The following HAUS7 variants were observed in gnomAD, a reference collection of about 807,000 sequenced individuals.
HAUS7 encodes HAUS augmin like complex subunit 7.
In HAUS7, 3 loss-of-function variants were observed where a neutral mutation model predicts 28.4. That is an observed-to-expected ratio of 0.11 (90% CI 0.05 to 0.27). The LOEUF is 0.27. HAUS7 is among the 10% of genes least tolerant of loss of function. The pLI, the probability that HAUS7 is intolerant of heterozygous loss-of-function variation, is 1.00. For synonymous variants in HAUS7, 165 were observed against 132.1 expected (o/e 1.25, Z -1.71); for missense variants, 284 against 297.3 (o/e 0.96, Z 0.33).
At chrX:153,493,099 C>T (rs978980184) in intron 1 of HAUS7, among the ~76,000 whole-genome samples, 2 of 112,433 alleles carry the variant, frequency 1.8e-5, no homozygotes, top group East Asian at 5.6e-4. Flanking sequence ...ATGGTCTATT[C>T]ACAGAACTGT....
chrX:153,478,370 C>G (rs782313833), intron 1 of HAUS7, among the ~76,000 whole-genome samples: 20 of 112,389 alleles, frequency 1.8e-4, no homozygotes, highest in Middle Eastern at 4.6e-3. Context: ...CCCCTCTGGC[C>G]CCACCCAGCA....
At chrX:153,460,640 C>T (rs1556983181) in intron 4 of HAUS7, among the ~76,000 whole-genome samples, 1 of 111,136 alleles carries the variant, frequency 9.0e-6, no homozygotes, top group Admixed American at 9.5e-5. Context: ...GCAGATTTTA[C>T]GTAAAGTGCA....
At chrX:153,473,888 C>A (rs2089545355), upstream of HAUS7, among the ~76,000 whole-genome samples, 1 of 111,919 alleles carries the variant, frequency 8.9e-6, no homozygotes, top group South Asian at 3.7e-4. Context: ...CTGTTGGTCA[C>A]CCATCCACCC....
chrX:153,467,036 G>T (rs782491603), intron 2 of HAUS7, among the ~76,000 whole-genome samples: 18 of 111,618 alleles, frequency 1.6e-4, no homozygotes, highest in Non-Finnish European at 3.2e-4. Context: ...TCCCTCTCTG[G>T]CCAGATGACC....
chrX:153,456,745 G>A (rs2089317837), intron 5 of HAUS7, 94 bp from the exon 6 acceptor site: 1 of 695,762 alleles, frequency 1.4e-6, no homozygotes, highest in Non-Finnish European at 2.1e-6. Context: ...GAAGCACATC[G>A]GGGCCAGGCA....
At chrX:153,456,238 C>A in intron 7 of HAUS7, 27 bp downstream of exon 7, 3 of 1,135,557 alleles carry the variant, frequency 2.6e-6, no homozygotes, top group Non-Finnish European at 3.6e-6. Context: ...CTCCAAGCAA[C>A]CCCCTCCCAG....
intron 1 of HAUS7, chrX:153,495,296 C>T (rs1330490757): frequency 1.8e-5 from 2 of 112,067 alleles, no homozygotes; most frequent in African/African-American, 6.5e-5. Context: ...CCCCCTTGGT[C>T]CCTGTCAGGC....
intron 7 of HAUS7, among the ~76,000 whole-genome samples, 180 bp from the exon 8 acceptor site, chrX:153,455,946 C>T (rs782398734): frequency 1.8e-5 from 2 of 112,140 alleles, no homozygotes; most frequent in African/African-American, 3.2e-5. Context: ...CCAGCCTCAG[C>T]CCCCTCACTC....
intron 9 of HAUS7, among the ~76,000 whole-genome samples, chrX:153,448,382 T>C (rs7062167): frequency 0.1 from 6,345 of 61,962 alleles, 809 homozygotes; most frequent in African/African-American, 0.35. Context: ...CATCACACAC[T>C]GGGGCCTGTT....
chrX:153,488,287 C>G lies in HAUS7; in HGVS notation c.-589+7087G>C, dbSNP rs369447797. ...ATTCCCCGGCCTTTCTCTACCCTGG[C>G]GGGGCCGCCCCTCTCCTTCCCCTCT... On this transcript the variant is annotated intron_variant, in intron 1 of 5. Transcript: ENST00000370210. Among the ~76,000 whole-genome samples the G allele has an allele frequency of 6.2e-5, 7 of 113,324 alleles. No individual in the cohort carries two copies. The South Asian group carries it at 2.2e-3, about 35-fold the overall frequency.
At position 153,456,176 on chromosome X, in the gene HAUS7, C is replaced by T. The variant is rs186020907; in HGVS notation, c.705+89G>A. ...GAACATGTCAGGCCCGGTGCACAGG[C>T]AACCTCGCCTAAGCCTCACGTGCTG... On this transcript the variant is annotated intron_variant, in intron 7 of 9. Coordinates refer to ENST00000370211, the MANE Select transcript of HAUS7 (RefSeq NM_001385482.1). 24 of 703,372 alleles carry T rather than the reference C, an allele frequency of 3.4e-5. 1 individual carries two copies. The African/African-American group carries it at 4.4e-4, about 13-fold the overall frequency. 58.0% of individuals were successfully genotyped at this position (703,372 alleles called of 1,213,427 possible). A position where few individuals can be genotyped will look rare whatever the true frequency, so the allele number is the denominator to read the frequency against.
chrX:153,481,725 C>G, intron 1 of HAUS7: 1 of 737,431 alleles, frequency 1.4e-6, no homozygotes, highest in Non-Finnish European at 1.6e-6. Context: ...CACCCTGGCT[C>G]CCCTGAGCAG....
At position 153,485,870 on chromosome X, in the gene HAUS7, G is replaced by C. The variant is rs782154221; in HGVS notation, c.-589+9504C>G. 10 of 914,899 alleles carry C rather than the reference G, an allele frequency of 1.1e-5. No individual in the cohort carries two copies. The Admixed American group carries it at 2.9e-4, about 26-fold the overall frequency. 75.4% of individuals were successfully genotyped at this position (914,899 alleles called of 1,213,427 possible). A position where few individuals can be genotyped will look rare whatever the true frequency, so the allele number is the denominator to read the frequency against. Reference sequence around the variant, plus strand: ...CCTGACGCTGCACCACGACCACATCGAGCGCATCCCTGGCTACGCGTTCGC... The same window carrying C: ...CCTGACGCTGCACCACGACCACATCCAGCGCATCCCTGGCTACGCGTTCGC... On this transcript the variant is annotated intron_variant, in intron 1 of 5. Transcript: ENST00000370210.
chrX:153,473,852 C>T (rs1302422257), upstream of HAUS7, among the ~76,000 whole-genome samples: 1 of 111,328 alleles, frequency 9.0e-6, no homozygotes, highest in African/African-American at 3.3e-5. Flanking sequence ...CCTGGGACCT[C>T]TCTGCTGCTA....
intron 1 of HAUS7, chrX:153,483,568 C>G (rs2089615357): frequency 1.7e-6 from 1 of 573,915 alleles, no homozygotes; most frequent in Non-Finnish European, 2.1e-6. Flanking sequence ...CACGGAGCCC[C>G]AGAGAGGGCC....
rs1238739747 is a variant in HAUS7 at position 153,486,850 on chromosome X, C to T, written c.-589+8524G>A. 34 of 963,728 alleles carry T rather than the reference C, an allele frequency of 3.5e-5. No homozygotes were observed. In the Admixed American group the frequency reaches 7.3e-4, roughly 21 times the overall value. 79.4% of individuals were successfully genotyped at this position (963,728 alleles called of 1,213,427 possible). A position where few individuals can be genotyped will look rare whatever the true frequency, so the allele number is the denominator to read the frequency against. ...TTCCTCCAGCACACACTCTGCTTCT[C>T]GAGGGGGTGGAGGGGCAGGCTGAGG... On this transcript the variant is annotated intron_variant, in intron 1 of 5. Transcript: ENST00000370210.
In HAUS7 at chrX:153,447,705, G is replaced by A. The variant is rs782344061; in HGVS notation, c.*173C>T. 31 of 568,556 alleles carry A rather than the reference G, an allele frequency of 5.5e-5. 1 individual carries two copies. The East Asian group carries it at 6.8e-4, about 13-fold the overall frequency. 46.9% of individuals were successfully genotyped at this position (568,556 alleles called of 1,213,427 possible). The stretch of plus-strand genomic sequence containing the variant: ...GCTTTCTTTGTGTCCAAGTCAAACC[G>A]CCCGTCTGTCTCTCCCTCCCCAAAG... On this transcript the variant is annotated 3_prime_UTR_variant, in exon 10 of 10. Coordinates refer to ENST00000370211, the MANE Select transcript of HAUS7 (RefSeq NM_001385482.1).
chrX:153,467,381 G>A lies in HAUS7; in HGVS notation c.224+1765C>T, dbSNP rs148359426. On this transcript the variant is annotated intron_variant, in intron 2 of 9. Transcript: ENST00000370211. ...ACCAAAATGCCAATCTCAGCACGTC[G>A]CTCCCCAGGTTCCACGCCTGCCCTG... Among the ~76,000 whole-genome samples, 526 of 111,363 alleles carry A rather than the reference G, an allele frequency of 4.7e-3. 3 individuals carry two copies. The highest frequency in any genetic ancestry group is 0.016 in the African/African-American group (501 of 30,623).
chrX:153,453,813 TTAAG>T (rs1355595326), intron 9 of HAUS7, among the ~76,000 whole-genome samples: 20 of 107,997 alleles, frequency 1.9e-4, no homozygotes, highest in East Asian at 3.1e-4. Flanking sequence ...CCCATTTTCC[TTAAG>T]TAACTTTTTT....
Sources: allele counts gnomAD v4.1 joint callset (sites outside exome capture counted in the v4.1 genomes callset), GRCh38; gene constraint gnomAD v4.1.1; transcripts MANE v1.5; gene names NCBI Gene and HGNC (gene_info 2026-07-23, HGNC 2026-07-21).